NF1: variants seen among roughly 807,000 people sequenced by gnomAD.
The protein encoded by NF1 is neurofibromin 1, also known as neurofibromin.
In NF1, 122 loss-of-function variants were observed where a neutral mutation model predicts 325.7. The ratio of observed to expected loss-of-function variants is 0.37; its 90% CI spans 0.32 to 0.44. The LOEUF (loss-of-function observed/expected upper bound fraction) is 0.44. NF1 is among the 20% of genes least tolerant of loss of function. The pLI, the probability that NF1 is intolerant of heterozygous loss-of-function variation, is 1.00. For missense variants in NF1, 2,140 were observed against 3,415.4 expected, an observed-to-expected ratio of 0.63 and a Z score of 9.31; for synonymous variants, 1,091 against 1,186.0, an observed-to-expected ratio of 0.92 and a Z score of 1.65.
At chr17:31,304,921 T>C (rs772421430) in intron 36 of NF1, 3 of 1,614,044 alleles carry the variant, frequency 1.9e-6, no homozygotes, top group African/African-American at 1.3e-5. Context: ...TAAAACTGGT[T>C]TCCTTAAGCA....
At chr17:31,187,199 TTTTG>T (rs1477467366) in intron 8 of NF1, among the ~76,000 whole-genome samples, 8 of 152,046 alleles carry the variant, frequency 5.3e-5, no homozygotes, top group African/African-American at 1.2e-4. Flanking sequence ...AATTCACTGT[TTTTG>T]TTTGTTTGTT....
rs1406169018 is a variant in NF1 at position 31,258,414 on chromosome 17, A to G, written c.4244A>G (p.Asn1415Ser). The G allele has an allele frequency of 1.2e-6, 2 of 1,613,892 alleles. No individual in the cohort carries two copies. The highest frequency in any genetic ancestry group is 1.3e-5 in the African/African-American group (1 of 74,926). ...VGSAMFLRFINPAIVSPYEAG... is the reference protein window; with the variant it reads ...VGSAMFLRFISPAIVSPYEAG... ...AGTGCCATGTTCCTCAGATTTATCA[A>G]TCCTGCCATTGTCTCACCGTATGAA... The change falls in exon 32 of 58, where the codon AAT becomes AGT. Residue 1415 changes from asparagine to serine, a missense_variant. Coordinates refer to ENST00000358273, the MANE Select transcript of NF1 (RefSeq NM_001042492.3).
rs371581213 is a variant in NF1 at position 31,340,609 on chromosome 17, G to A, written c.7026G>A (p.Leu2342=). ...SAGTALLEQN[L]HTLDSLRIFN... is the part of the protein sequence containing the mutation. ...GTACCGCACTTCTTGAACAAAACCT[G>A]CATACTTTAGATAGTCTCCGTATAT... The change falls in exon 47 of 58, where the codon CTG becomes CTA. Residue 2342 remains leucine (L), a synonymous_variant. Coordinates refer to ENST00000358273, the MANE Select transcript of NF1 (RefSeq NM_001042492.3). The A allele has an allele frequency of 4.6e-5, 75 of 1,613,964 alleles. 1 individual carries two copies. The highest frequency in any genetic ancestry group is 3.3e-4 in the Middle Eastern group (2 of 6,084).
At chr17:31,201,790 G>GTT (rs1325905523) in intron 11 of NF1, among the ~76,000 whole-genome samples, 1 of 152,120 alleles carries the variant, frequency 6.6e-6, no homozygotes, top group Non-Finnish European at 1.5e-5. Context: ...TGAAAATACA[G>GTT]TTTAAAATTT....
chr17:31,097,530 C>T (rs1911853341), intron 1 of NF1, among the ~76,000 whole-genome samples: 1 of 151,048 alleles, frequency 6.6e-6, no homozygotes, highest in South Asian at 2.1e-4. Flanking sequence ...AGTGTTTCTC[C>T]TTCTGTCCCT....
intron 39 of NF1, among the ~76,000 whole-genome samples, chr17:31,334,130 T>C (rs2069576855): frequency 6.6e-6 from 1 of 151,790 alleles, no homozygotes; most frequent in Admixed American, 6.6e-5. Context: ...ACTCAAAATA[T>C]GAAAAAAAAT....
intron 3 of NF1, among the ~76,000 whole-genome samples, chr17:31,159,971 G>T (rs1458197661): frequency 6.6e-6 from 1 of 152,116 alleles, no homozygotes; most frequent in Non-Finnish European, 1.5e-5. Context: ...GACTGATAGT[G>T]TGGTTGAGAA....
At chr17:31,214,398 T>A in intron 12 of NF1, 53 bp from the exon 13 acceptor site, 2 of 1,382,182 alleles carry the variant, frequency 1.4e-6, no homozygotes, top group Non-Finnish European at 1.0e-6. Context: ...AAAGGTTGGA[T>A]AGCTATTATC....
intron 57 of NF1, among the ~76,000 whole-genome samples, chr17:31,371,908 G>A (rs1179657059): frequency 1.3e-5 from 2 of 152,192 alleles, no homozygotes; most frequent in African/African-American, 4.8e-5. Flanking sequence ...CGTGCTTACA[G>A]ATGCCTGATA....
chr17:31,123,415 T>C (rs1914604777), intron 1 of NF1, among the ~76,000 whole-genome samples: 1 of 152,206 alleles, frequency 6.6e-6, no homozygotes, highest in South Asian at 2.1e-4. Flanking sequence ...TATTTCTTTA[T>C]ACAACTAGGA....
chr17:31,333,768 A>G (rs1490507194), intron 39 of NF1, among the ~76,000 whole-genome samples: 1 of 152,244 alleles, frequency 6.6e-6, no homozygotes, highest in Non-Finnish European at 1.5e-5. Context: ...ACTCAGTGCC[A>G]CTGAACTGTG....
In NF1 at chr17:31,327,671, A is replaced by C; in HGVS notation, c.5441A>C (p.His1814Pro). Residue 1814 changes from histidine to proline, a missense_variant, in exon 38 of 58, where the codon CAC becomes CCC. Physicochemically the swap from His to Pro is moderately conservative, Grantham distance 77. Transcript: ENST00000358273. ...ANQGTPLTFM[H>P]QECEAIVQSI... ...CAGGGCACGCCGCTCACCTTCATGC[A>C]CCAGGAGTGTGAAGCCATTGTCCAG... 1 of 1,614,172 alleles carries C rather than the reference A, an allele frequency of 6.2e-7. No individual in the cohort carries two copies. The highest frequency in any genetic ancestry group is 8.5e-7 in the Non-Finnish European group (1 of 1,180,026).
At chr17:31,352,199 CGAT>C (rs2070163940) in intron 50 of NF1, 55 bp from the exon 51 acceptor site, 1 of 1,541,684 alleles carries the variant, frequency 6.5e-7, no homozygotes, top group Non-Finnish European at 9.0e-7. Flanking sequence ...AAGGAGCAAA[CGAT>C]GGTTGTATTT....
intron 36 of NF1, among the ~76,000 whole-genome samples, chr17:31,291,823 T>C (rs1037569205): frequency 1.3e-5 from 2 of 152,202 alleles, no homozygotes; most frequent in African/African-American, 4.8e-5. Flanking sequence ...TTCACTGATA[T>C]CTAAACCTGA....
At chr17:31,355,008 A>C (rs2070237180) in intron 51 of NF1, among the ~76,000 whole-genome samples, 1 of 152,208 alleles carries the variant, frequency 6.6e-6, no homozygotes, top group Non-Finnish European at 1.5e-5. Context: ...AGTACATGAT[A>C]AATTTAGGTT....
At chr17:31,141,446 T>G (rs1355078694) in intron 1 of NF1, among the ~76,000 whole-genome samples, 1 of 152,208 alleles carries the variant, frequency 6.6e-6, no homozygotes, top group Non-Finnish European at 1.5e-5. Context: ...AGTGGTGCTC[T>G]TTCTTCAGGG....
At chr17:31,193,773 A>G (rs1170774006) in intron 8 of NF1, among the ~76,000 whole-genome samples, 1 of 152,214 alleles carries the variant, frequency 6.6e-6, no homozygotes, top group African/African-American at 2.4e-5. Flanking sequence ...ACCAACAGAT[A>G]TATTTTTTAA....
chr17:31,295,355 C>T (rs2068440708), intron 36 of NF1: 2 of 1,614,086 alleles, frequency 1.2e-6, no homozygotes, highest in Non-Finnish European at 1.7e-6. Flanking sequence ...CTTATCAGTG[C>T]TAGTAAAGGT....
At chr17:31,227,082 A>G in intron 18 of NF1, 136 bp from the exon 19 acceptor site, 1 of 875,476 alleles carries the variant, frequency 1.1e-6, no homozygotes, top group Non-Finnish European at 1.9e-6. Context: ...GAGGTTAGTG[A>G]AAGGAAGTTT....
Sources: allele counts gnomAD v4.1 joint callset (sites outside exome capture counted in the v4.1 genomes callset), GRCh38; gene constraint gnomAD v4.1.1; transcripts MANE v1.5; gene names NCBI Gene and HGNC (gene_info 2026-07-23, HGNC 2026-07-21).